The following KIAA1958 variants were observed in gnomAD, a reference collection of about 807,000 sequenced individuals.
KIAA1958 encodes KIAA1958.
A neutral mutation model predicts 47.2 loss-of-function variants in KIAA1958; 14 were observed. That is an observed-to-expected ratio of 0.30 (90% confidence interval 0.20 to 0.46). KIAA1958 has a LOEUF of 0.46. Among genes scored for constraint, KIAA1958 ranks in the 20% least tolerant of loss-of-function variants. The probability of loss-of-function intolerance (pLI) is 1.00; values close to 1 mark genes in which losing one functional copy is unlikely to be tolerated. For missense variants in KIAA1958, 803 were observed against 909.2 expected (o/e 0.88, Z 1.50); for synonymous variants, 354 against 353.3 (o/e 1.00, Z -0.02).
intron 2 of KIAA1958, among the ~76,000 whole-genome samples, chr9:112,605,038 G>T (rs1836205099): frequency 6.9e-6 from 1 of 144,566 alleles, no homozygotes; most frequent in African/African-American, 2.5e-5. Context: ...TATACATTAT[G>T]TATTTTTATA....
At chr9:112,632,394 A>T (rs1836725403) in intron 2 of KIAA1958, among the ~76,000 whole-genome samples, 1 of 151,990 alleles carries the variant, frequency 6.6e-6, no homozygotes, top group African/African-American at 2.4e-5. Context: ...TTTGGTGATC[A>T]TCTTTGTTCA....
At chr9:112,501,154 T>C (rs1236807701) in intron 1 of KIAA1958, among the ~76,000 whole-genome samples, 1 of 151,602 alleles carries the variant, frequency 6.6e-6, no homozygotes, top group Non-Finnish European at 1.5e-5. Context: ...AAACTTTTTT[T>C]TTTCAACAAA....
Position 112,607,703 on chromosome 9 carries a change from T to C in KIAA1958, c.1171+32452T>C, listed in dbSNP as rs1420011899. Among the ~76,000 whole-genome samples the C allele has an allele frequency of 3.5e-5, 5 of 143,866 alleles. 1 individual carries two copies. The highest frequency in any genetic ancestry group is 1.1e-4 in the African/African-American group (4 of 37,850). 94.4% of individuals were successfully genotyped at this position (143,866 alleles called of 152,430 possible). A position where few individuals can be genotyped will look rare whatever the true frequency, so the allele number is the denominator to read the frequency against. ...AGCACTGAGACATTTCCTAGTAAAG[T>C]TATTGCCCCTCATTGATAAAAAGAT... is the stretch of plus-strand genomic sequence containing the variant. On this transcript the variant is annotated intron_variant, in intron 2 of 3. Transcript: ENST00000337530.
intron 1 of KIAA1958, among the ~76,000 whole-genome samples, chr9:112,539,137 A>G (rs1468048005): frequency 6.6e-6 from 1 of 152,230 alleles, no homozygotes; most frequent in Non-Finnish European, 1.5e-5. Context: ...ACAGTCTAGC[A>G]TTTCCTGAAA....
intron 1 of KIAA1958, among the ~76,000 whole-genome samples, chr9:112,557,337 C>T (rs1290680998): frequency 2.0e-5 from 3 of 152,186 alleles, no homozygotes; most frequent in East Asian, 1.9e-4. Context: ...AATTTCTACC[C>T]TCCTATAGCC....
intron 1 of KIAA1958, among the ~76,000 whole-genome samples, chr9:112,495,658 T>C (rs752732780): frequency 1.3e-5 from 2 of 152,240 alleles, no homozygotes; most frequent in Non-Finnish European, 2.9e-5. Context: ...CTGCAAATCC[T>C]GTGACTCATT....
chr9:112,532,070 A>G (rs959097855), intron 1 of KIAA1958, among the ~76,000 whole-genome samples: 1 of 152,218 alleles, frequency 6.6e-6, no homozygotes, highest in African/African-American at 2.4e-5. Flanking sequence ...TGGATTAAAA[A>G]TACCTAACAC....
At chr9:112,609,282 A>G (rs992001581) in intron 2 of KIAA1958, among the ~76,000 whole-genome samples, 1 of 152,200 alleles carries the variant, frequency 6.6e-6, no homozygotes, top group African/African-American at 2.4e-5. Context: ...TTGACACTCT[A>G]AAAAACAATG....
At chr9:112,527,527 A>T (rs1834678875) in intron 1 of KIAA1958, among the ~76,000 whole-genome samples, 1 of 152,190 alleles carries the variant, frequency 6.6e-6, no homozygotes, top group Admixed American at 6.5e-5. Context: ...GGAATATGTA[A>T]TGGGAAGCCA....
At chr9:112,632,333 AATATAT>A (rs137953550) in intron 2 of KIAA1958, among the ~76,000 whole-genome samples, 2 of 149,710 alleles carry the variant, frequency 1.3e-5, no homozygotes, top group Admixed American at 6.7e-5. Flanking sequence ...ACCACATGTA[AATATAT>A]ATATATATAT....
At chr9:112,597,205 C>T (rs1444636559) in intron 2 of KIAA1958, among the ~76,000 whole-genome samples, 1 of 152,196 alleles carries the variant, frequency 6.6e-6, no homozygotes, top group Non-Finnish European at 1.5e-5. Context: ...TCTGCAGAGT[C>T]ATATGCTGTT....
intron 2 of KIAA1958, among the ~76,000 whole-genome samples, chr9:112,643,326 G>A (rs952102085): frequency 2.0e-5 from 3 of 152,176 alleles, no homozygotes; most frequent in Admixed American, 2.0e-4. Context: ...TATTGGATGA[G>A]TGAATATGTG....
rs532075895 is a variant in KIAA1958 at position 112,637,446 on chromosome 9, A to G, written c.1172-8204A>G. Among the ~76,000 whole-genome samples the G allele has an allele frequency of 4.6e-5, 7 of 152,022 alleles. No individual in the cohort carries two copies. In the East Asian group the frequency reaches 5.8e-4, roughly 13 times the overall value. On this transcript the variant is annotated intron_variant, in intron 2 of 3. Transcript: ENST00000337530. ...GCCCAGGCTGGAGTGAAGTGGCGCA[A>G]TCTCAGCTCACTGCAACCTCCTCCA... is the stretch of plus-strand genomic sequence containing the variant.
At chr9:112,659,040 A>G (rs376140190) in intron 3 of KIAA1958, among the ~76,000 whole-genome samples, 6 of 150,092 alleles carry the variant, frequency 4.0e-5, no homozygotes, top group African/African-American at 9.8e-5. Context: ...AAAAAAAAAA[A>G]AAAAGAAAGA....
At chr9:112,635,312 G>A (rs912136375) in intron 2 of KIAA1958, among the ~76,000 whole-genome samples, 2 of 150,624 alleles carry the variant, frequency 1.3e-5, no homozygotes, top group South Asian at 2.1e-4. Context: ...GTGCAGTGGT[G>A]CAATCTCGGT....
chr9:112,546,159 C>T (rs7847821), intron 1 of KIAA1958, among the ~76,000 whole-genome samples: 145,209 of 152,104 alleles, frequency 0.95, 69,385 homozygotes, highest in African/African-American at 0.99. Flanking sequence ...GGCCAAAACC[C>T]GCCAAAACCA....
At chr9:112,514,312 G>GC (rs1173601345) in intron 1 of KIAA1958, among the ~76,000 whole-genome samples, 2 of 10,354 alleles carry the variant, frequency 1.9e-4, no homozygotes, top group Non-Finnish European at 3.4e-4. Flanking sequence ...GGGGGGGTCA[G>GC]CCCCCCGCCC....
chr9:112,500,040 A>C (rs1374614007), intron 1 of KIAA1958, among the ~76,000 whole-genome samples: 1 of 152,064 alleles, frequency 6.6e-6, no homozygotes, highest in Non-Finnish European at 1.5e-5. Flanking sequence ...AAGGTATAAA[A>C]TCTGCACTTT....
At chr9:112,560,987 C>T (rs1039543190) in intron 1 of KIAA1958, among the ~76,000 whole-genome samples, 3 of 152,010 alleles carry the variant, frequency 2.0e-5, no homozygotes, top group South Asian at 4.1e-4. Context: ...CTCAGAGAAG[C>T]TTACACTGAA....
Sources: allele counts gnomAD v4.1 joint callset (sites outside exome capture counted in the v4.1 genomes callset), GRCh38; gene constraint gnomAD v4.1.1; transcripts MANE v1.5; gene names NCBI Gene and HGNC (gene_info 2026-07-23, HGNC 2026-07-21).